The following ZFP14 variants were observed in gnomAD, a reference collection of about 807,000 sequenced individuals.
ZFP14 encodes ZFP14 zinc finger protein.
A neutral mutation model predicts 54.5 loss-of-function variants in ZFP14; 22 were observed. The observed-to-expected ratio is 0.40, with a 90% CI of 0.29 to 0.58. The LOEUF is 0.58. Ranked by LOEUF, ZFP14 falls within the 20% of genes least tolerant of loss-of-function variation. The pLI, the probability that ZFP14 is intolerant of heterozygous loss-of-function variation, is 0.39. For missense variants in ZFP14, 470 were observed against 637.8 expected (o/e 0.74, Z 2.83); for synonymous variants, 159 against 204.0 (o/e 0.78, Z 1.88).
chr19:36,360,676 C>G, intron 3 of ZFP14, 143 bp from the exon 4 acceptor site: 1 of 679,918 alleles, frequency 1.5e-6, no homozygotes, highest in African/African-American at 1.8e-5. Flanking sequence ...TTGAAGAATG[C>G]TCATATTAAG....
intron 1 of ZFP14, among the ~76,000 whole-genome samples, chr19:36,373,911 C>CAAAAAAAAAA (rs74174406): frequency 4.3e-5 from 4 of 92,914 alleles, no homozygotes; most frequent in African/African-American, 1.7e-4. Context: ...GACCCCATCT[C>CAAAAAAAAAA]AAAAAAAAAA....
At position 36,349,256 on chromosome 19, in the gene ZFP14, A is replaced by C. The variant is rs12983485; in HGVS notation, c.236-7666T>G. ...CAAAAAAAAAAACAAAAAAAAAAAA[A>C]CAAAAAAAAAAAAACAGGAAGAACA... On this transcript the variant is annotated intron_variant, in intron 4 of 4. Coordinates refer to ENST00000270001, the MANE Select transcript of ZFP14 (RefSeq NM_020917.3). 7.7e-5 allele frequency among the ~76,000 whole-genome samples: 5 copies of C among 64,624 alleles called. 1 individual carries two copies. In the East Asian group the frequency reaches 1.0e-3, roughly 13 times the overall value. 42.4% of individuals were successfully genotyped at this position (64,624 alleles called of 152,430 possible).
chr19:36,339,487 A>G lies in ZFP14; in HGVS notation c.*737T>C, dbSNP rs2145537093. ...GTGAGGGAATGTTACTTCCATGATT[A>G]GATTACACAAGATGGTAACTTCCAT... is the stretch of plus-strand genomic sequence containing the variant. On this transcript the variant is annotated 3_prime_UTR_variant, in exon 5 of 5. Transcript: ENST00000270001. 6.6e-6 allele frequency: 1 copy of G among 152,258 alleles called. No homozygotes were observed. The highest frequency in any genetic ancestry group is 1.5e-5 in the Non-Finnish European group (1 of 68,018). 9.4% of individuals were successfully genotyped at this position (152,258 alleles called of 1,614,324 possible).
At chr19:36,370,596 A>C (rs1315900751) in intron 1 of ZFP14, among the ~76,000 whole-genome samples, 1 of 152,186 alleles carries the variant, frequency 6.6e-6, no homozygotes, top group African/African-American at 2.4e-5. Flanking sequence ...CAGTGGTCTC[A>C]GGCTTTGAGC....
Position 36,340,413 on chromosome 19 carries a change from C to G in ZFP14, c.1413G>C (p.Gln471His), listed in dbSNP as rs2145537946. ...FRLLSQLTQH[Q>H]SIHTGEKPYE... ...AAGGTTTCTCACCAGTGTGAATACT[C>G]TGATGTTGGGTAAGTTGTGAGAGCA... The change falls in exon 5 of 5, where the codon CAG becomes CAC. Residue 471 changes from glutamine (Q) to histidine (H), a missense_variant. By Grantham distance (24) the Gln-to-His change is conservative. Coordinates refer to ENST00000270001, the MANE Select transcript of ZFP14 (RefSeq NM_020917.3). This position sits in a 1 kb window ranked among gnomAD's most constrained non-coding sequence, Gnocchi z 5.4. 6.2e-7 allele frequency: 1 copy of G among 1,614,074 alleles called. No homozygotes were observed. The highest frequency in any genetic ancestry group is 8.5e-7 in the Non-Finnish European group (1 of 1,180,010).
At chr19:36,362,312 G>T (rs2031724128) in intron 2 of ZFP14, 74 bp from the exon 3 acceptor site, 9 of 1,494,356 alleles carry the variant, frequency 6.0e-6, no homozygotes, top group Middle Eastern at 3.6e-4. Context: ...GGGAGATTGA[G>T]GATTGCATTG....
chr19:36,358,957 C>G (rs1352537879), intron 4 of ZFP14, among the ~76,000 whole-genome samples: 1 of 152,166 alleles, frequency 6.6e-6, no homozygotes, highest in Non-Finnish European at 1.5e-5. Flanking sequence ...CCTCAACTAG[C>G]ACATTTGCAT....
At chr19:36,364,994 C>CTTTTTTTTTTTTTTTTTTTT (rs398034482) in intron 2 of ZFP14, among the ~76,000 whole-genome samples, 4 of 61,972 alleles carry the variant, frequency 6.5e-5, no homozygotes, top group Non-Finnish European at 8.7e-5. Flanking sequence ...TTTTCTTTTT[C>CTTTTTTTTTTTTTTTTTTTT]TTTTTTTTTT....
chr19:36,349,695 A>ATT (rs2031491957), intron 4 of ZFP14, among the ~76,000 whole-genome samples: 2 of 144,114 alleles, frequency 1.4e-5, no homozygotes, highest in Admixed American at 7.0e-5. Flanking sequence ...ATATATATAT[A>ATT]ATATATATAT....
intron 4 of ZFP14, among the ~76,000 whole-genome samples, chr19:36,343,973 C>T (rs570661683): frequency 6.6e-6 from 1 of 152,192 alleles, no homozygotes; most frequent in South Asian, 2.1e-4. Context: ...AGGAGACAAA[C>T]ATTCAAACCA....
At chr19:36,377,017 C>A (rs995527505) in intron 1 of ZFP14, among the ~76,000 whole-genome samples, 1 of 152,270 alleles carries the variant, frequency 6.6e-6, no homozygotes, top group South Asian at 2.1e-4. Context: ...TCAAAAACTT[C>A]AAGCCACTTT....
chr19:36,371,036 G>A (rs935040324), intron 1 of ZFP14, among the ~76,000 whole-genome samples: 12 of 152,198 alleles, frequency 7.9e-5, no homozygotes, highest in Admixed American at 5.2e-4. Flanking sequence ...GCCGAGGCAG[G>A]CGGATCACGA....
At chr19:36,349,268 A>AAAAAAGG (rs2031481591) in intron 4 of ZFP14, among the ~76,000 whole-genome samples, 1 of 146,010 alleles carries the variant, frequency 6.8e-6, no homozygotes, top group Non-Finnish European at 1.5e-5. Context: ...AAAAAAAAAA[A>AAAAAAGG]AACAGGAAGA....
chr19:36,364,357 A>G (rs373691692), intron 2 of ZFP14, among the ~76,000 whole-genome samples: 1 of 152,194 alleles, frequency 6.6e-6, no homozygotes, highest in South Asian at 2.1e-4. Context: ...GGCAGGCTTT[A>G]CAGTAATAAC....
intron 1 of ZFP14, among the ~76,000 whole-genome samples, chr19:36,370,399 C>T (rs1400741361): frequency 6.6e-6 from 1 of 152,208 alleles, no homozygotes; most frequent in Non-Finnish European, 1.5e-5. Flanking sequence ...CAGACTGACC[C>T]TCTAGACCTG....
chr19:36,347,337 C>T (rs1451685096), intron 4 of ZFP14, among the ~76,000 whole-genome samples: 10 of 152,152 alleles, frequency 6.6e-5, no homozygotes, highest in Non-Finnish European at 1.5e-5. Context: ...AGGCTGGGCG[C>T]AATGGCTCAC....
chr19:36,346,541 T>C (rs964958995), intron 4 of ZFP14, among the ~76,000 whole-genome samples: 1 of 151,972 alleles, frequency 6.6e-6, no homozygotes, highest in Admixed American at 6.6e-5. Flanking sequence ...CACTGCAACC[T>C]CTGCCTCCCG....
At chr19:36,363,829 A>G (rs1052003360) in intron 2 of ZFP14, among the ~76,000 whole-genome samples, 3 of 151,986 alleles carry the variant, frequency 2.0e-5, no homozygotes, top group Non-Finnish European at 4.4e-5. Flanking sequence ...GTCTCTACTA[A>G]AAACACAAAA....
Position 36,340,610 on chromosome 19 carries a change from T to G in ZFP14, c.1216A>C (p.Ser406Arg). Residue 406 changes from serine (S) to arginine (R), a missense_variant, in exon 5 of 5, where the codon AGT becomes CGT. By Grantham distance (110) the Ser-to-Arg change is moderately radical. Transcript: ENST00000270001. The surrounding 1 kb of genome is among the most constrained non-coding windows in gnomAD (Gnocchi z 5.4). Reference sequence around the variant, plus strand: ...TGTGAAATAAGCTGTGAGTAACTACTAAAGGTCTTCCAACATTCCATACAT... The same window carrying G: ...TGTGAAATAAGCTGTGAGTAACTACGAAAGGTCTTCCAACATTCCATACAT... ...YECMECWKTF[S>R]SYSQLISHQS... The G allele has an allele frequency of 6.2e-7, 1 of 1,614,092 alleles. No individual in the cohort carries two copies. The highest frequency in any genetic ancestry group is 8.5e-7 in the Non-Finnish European group (1 of 1,179,998).
Sources: allele counts gnomAD v4.1 joint callset (sites outside exome capture counted in the v4.1 genomes callset), GRCh38; gene constraint gnomAD v4.1.1; non-coding constraint Gnocchi (gnomAD v3.1); transcripts MANE v1.5; gene names NCBI Gene and HGNC (gene_info 2026-07-23, HGNC 2026-07-21).